The following GAS2 variants were observed in gnomAD, a reference collection of about 807,000 sequenced individuals.
GAS2 encodes the protein growth arrest specific 2, also known as growth arrest-specific protein 2.
In GAS2, 20 loss-of-function variants were observed where a neutral mutation model predicts 37.5. The ratio of observed to expected loss-of-function variants is 0.53; its 90% CI spans 0.37 to 0.77. The LOEUF is 0.77. GAS2 is among the 30% of genes least tolerant of loss of function. The pLI is 0.00. For missense variants in GAS2, 336 were observed against 373.4 expected, an observed-to-expected ratio of 0.90 and a Z score of 0.82; for synonymous variants, 144 against 132.2, an observed-to-expected ratio of 1.09 and a Z score of -0.61.
intron 7 of GAS2, among the ~76,000 whole-genome samples, chr11:22,784,917 C>T (rs1048213065): frequency 2.0e-5 from 3 of 152,158 alleles, no homozygotes; most frequent in African/African-American, 7.2e-5. Context: ...GACCACTTTG[C>T]GTCTTCTGGC....
At chr11:22,773,940 A>C (rs1855119517) in intron 7 of GAS2, among the ~76,000 whole-genome samples, 1 of 152,158 alleles carries the variant, frequency 6.6e-6, no homozygotes, top group African/African-American at 2.4e-5. Context: ...CCTGGCATGC[A>C]CTTCCTAGAC....
At chr11:22,643,484 A>G (rs565521410) in intron 1 of GAS2, among the ~76,000 whole-genome samples, 1 of 151,644 alleles carries the variant, frequency 6.6e-6, no homozygotes, top group Non-Finnish European at 1.5e-5. Context: ...ACGATATAGA[A>G]GGGACAACAA....
At chr11:22,708,408 T>C (rs1178472088) in intron 3 of GAS2, among the ~76,000 whole-genome samples, 5 of 152,324 alleles carry the variant, frequency 3.3e-5, no homozygotes, top group Admixed American at 3.3e-4. Context: ...AATTTTACCA[T>C]ATGCCAGTCA....
chr11:22,752,531 A>G (rs566597427), intron 6 of GAS2, among the ~76,000 whole-genome samples: 1 of 152,016 alleles, frequency 6.6e-6, no homozygotes, highest in Non-Finnish European at 1.5e-5. Flanking sequence ...ATGTACTCCA[A>G]CATGGGTTTT....
At chr11:22,639,506 G>A (rs1465601666) in intron 1 of GAS2, among the ~76,000 whole-genome samples, 2 of 152,070 alleles carry the variant, frequency 1.3e-5, no homozygotes, top group African/African-American at 4.8e-5. Flanking sequence ...AGATCTTAGT[G>A]GTATTTACTT....
intron 7 of GAS2, among the ~76,000 whole-genome samples, chr11:22,770,015 G>T (rs1854894406): frequency 6.6e-6 from 1 of 152,162 alleles, no homozygotes. Context: ...GATGAAACTG[G>T]AAGCCATCAT....
intron 7 of GAS2, among the ~76,000 whole-genome samples, chr11:22,809,651 CTAATTTTT>C (rs915816996): frequency 6.9e-6 from 1 of 145,358 alleles, no homozygotes; most frequent in Non-Finnish European, 1.5e-5. Context: ...CCATGCCCAG[CTAATTTTT>C]TTTTTTTTTT....
At position 22,811,946 on chromosome 11, in the gene GAS2, T is replaced by C; in HGVS notation, c.872T>C (p.Leu291Pro). ...TSPIQSKSPT[L>P]KDMNPDNYLV... Reference sequence around the variant, plus strand: ...CCTATCCAAAGCAAATCTCCAACTCTAAAGGACATGAATCCAGATAACTAC... The same window carrying C: ...CCTATCCAAAGCAAATCTCCAACTCCAAAGGACATGAATCCAGATAACTAC... Residue 291 changes from leucine to proline, a missense_variant, in exon 8 of 8, where the codon CTA becomes CCA. Physicochemically the swap from Leu to Pro is moderately conservative, Grantham distance 98. Coordinates refer to ENST00000454584, the MANE Select transcript of GAS2 (RefSeq NM_001143830.3). 6.2e-7 allele frequency: 1 copy of C among 1,614,074 alleles called. No individual in the cohort carries two copies. The highest frequency in any genetic ancestry group is 8.5e-7 in the Non-Finnish European group (1 of 1,179,978).
chr11:22,661,513 G>C (rs1158921893), intron 1 of GAS2, among the ~76,000 whole-genome samples: 2 of 152,160 alleles, frequency 1.3e-5, no homozygotes, highest in Non-Finnish European at 2.9e-5. Context: ...AAAAGAAATA[G>C]CAAAGTGCTC....
chr11:22,770,063 C>T (rs910605088), intron 7 of GAS2, among the ~76,000 whole-genome samples: 11 of 152,120 alleles, frequency 7.2e-5, no homozygotes, highest in East Asian at 3.9e-4. Flanking sequence ...AACCAAACAC[C>T]GCATGTTCTC....
chr11:22,679,733 A>G (rs1370317553), intron 2 of GAS2, among the ~76,000 whole-genome samples: 1 of 152,150 alleles, frequency 6.6e-6, no homozygotes, highest in Non-Finnish European at 1.5e-5. Context: ...AGAAAGGATT[A>G]TAGTTGTTAA....
rs77004701 is a variant in GAS2 at position 22,786,806 on chromosome 11, T to A, written c.724-24992T>A. 2.4e-3 allele frequency among the ~76,000 whole-genome samples: 368 copies of A among 152,276 alleles called. 10 individuals carry two copies. In the East Asian group the frequency reaches 0.061, roughly 25 times the overall value. ...GTGCTAAATATCACACTGTTAGGTA[T>A]TTTCAGTTTTATTTTTGAGGACTTT... On this transcript the variant is annotated intron_variant, in intron 7 of 7. Transcript: ENST00000454584.
chr11:22,635,135 G>A (rs548140589), intron 1 of GAS2, among the ~76,000 whole-genome samples: 3 of 152,306 alleles, frequency 2.0e-5, no homozygotes, highest in South Asian at 4.1e-4. Flanking sequence ...TAGGTACTCT[G>A]GTGTCTCAGG....
At chr11:22,648,435 A>G (rs999917026) in intron 1 of GAS2, among the ~76,000 whole-genome samples, 1 of 152,132 alleles carries the variant, frequency 6.6e-6, no homozygotes, top group African/African-American at 2.4e-5. Flanking sequence ...ATGAACTTTA[A>G]AGTAGTTTTT....
intron 7 of GAS2, among the ~76,000 whole-genome samples, chr11:22,801,825 A>G (rs1299650461): frequency 6.6e-6 from 1 of 152,124 alleles, no homozygotes; most frequent in Admixed American, 6.6e-5. Context: ...TACTTGGCAC[A>G]TAGTAAGCAC....
At chr11:22,747,267 G>T (rs987813999) in intron 5 of GAS2, among the ~76,000 whole-genome samples, 29 of 152,132 alleles carry the variant, frequency 1.9e-4, no homozygotes, top group Admixed American at 1.9e-3. Context: ...TATGTAAGAT[G>T]CTTGTGATTC....
At chr11:22,648,128 A>G (rs1242890850) in intron 1 of GAS2, among the ~76,000 whole-genome samples, 1 of 152,200 alleles carries the variant, frequency 6.6e-6, no homozygotes. Context: ...ATCCAGTTTC[A>G]GCTTTCTGCA....
chr11:22,664,341 G>A (rs10741943), upstream of GAS2, among the ~76,000 whole-genome samples: 44,383 of 151,866 alleles, frequency 0.29, 7,772 homozygotes, highest in African/African-American at 0.48. Context: ...AAAATAACGT[G>A]TTTTATTGAT....
At chr11:22,637,956 A>G (rs1858859587) in intron 1 of GAS2, among the ~76,000 whole-genome samples, 2 of 151,924 alleles carry the variant, frequency 1.3e-5, no homozygotes, top group Non-Finnish European at 2.9e-5. Flanking sequence ...CCTTACATAT[A>G]TTCCCACTTT....
Sources: allele counts gnomAD v4.1 joint callset (sites outside exome capture counted in the v4.1 genomes callset), GRCh38; gene constraint gnomAD v4.1.1; transcripts MANE v1.5; gene names NCBI Gene and HGNC (gene_info 2026-07-23, HGNC 2026-07-21).